Variants in RC3H2 observed in about 807,000 individuals in gnomAD.
RC3H2 encodes the protein ring finger and CCCH-type domains 2, also known as roquin-2.
In RC3H2, 31 loss-of-function variants were observed where a neutral mutation model predicts 133.3. The observed-to-expected ratio is 0.23, with a 90% CI of 0.17 to 0.31. The LOEUF (loss-of-function observed/expected upper bound fraction) is 0.31, where lower values mean the gene tolerates loss of function less well. Among genes scored for constraint, RC3H2 ranks in the 10% least tolerant of loss-of-function variants. RC3H2 has a pLI of 1.00. For synonymous variants in RC3H2, 517 were observed against 502.2 expected (o/e 1.03, Z -0.40); for missense variants, 1,175 against 1,437.2 (o/e 0.82, Z 2.95).
chr9:122,859,885 T>C (rs552686591), intron 11 of RC3H2, 32 bp downstream of exon 11: 1 of 1,502,660 alleles, frequency 6.7e-7, no homozygotes, highest in African/African-American at 1.4e-5. Flanking sequence ...ACAATGTTTC[T>C]TTTTTTCTTA....
chr9:122,869,503 C>G lies in RC3H2; in HGVS notation c.1326-3846G>C, dbSNP rs115080158. Among the ~76,000 whole-genome samples, 1,228 of 151,040 alleles carry G rather than the reference C, an allele frequency of 8.1e-3. 19 individuals are homozygous for G. The highest frequency in any genetic ancestry group is 0.029 in the African/African-American group (1,175 of 41,090). ...AAAAGACAAGTGCTCCTAGATTAGA[C>G]TGGCTAAAAGTGAAGTAACAGAATA... On this transcript the variant is annotated intron_variant, in intron 9 of 20. Transcript: ENST00000357244.
chr9:122,854,136 A>T, intron 17 of RC3H2, 49 bp downstream of exon 17: 1 of 1,612,002 alleles, frequency 6.2e-7, no homozygotes, highest in Non-Finnish European at 8.5e-7. Context: ...TATAGCTTTC[A>T]ACTGTCATTC....
In RC3H2 at chr9:122,851,365, T is replaced by C. The variant is rs536840686; in HGVS notation, c.3189A>G (p.Ala1063=). The stretch of plus-strand genomic sequence containing the variant: ...GTCCATCAGGTTCATCAGTATCAAG[T>C]GCTGAAAGCTCTAACTCGATATCCC... ...PDRDIELELS[A]LDTDEPDGQS... is the part of the protein sequence containing the mutation. Residue 1063 remains alanine (A), a synonymous_variant, in exon 19 of 21, where the codon GCA becomes GCG. Coordinates refer to ENST00000357244, the MANE Select transcript of RC3H2 (RefSeq NM_001100588.3). 2 of 1,614,238 alleles carry C rather than the reference T, an allele frequency of 1.2e-6. No individual in the cohort carries two copies. The highest frequency in any genetic ancestry group is 1.3e-5 in the African/African-American group (1 of 75,062).
At chr9:122,864,021 G>A (rs1002542505) in intron 10 of RC3H2, among the ~76,000 whole-genome samples, 1 of 152,162 alleles carries the variant, frequency 6.6e-6, no homozygotes, top group Non-Finnish European at 1.5e-5. Flanking sequence ...ACAGGCCTGA[G>A]CCACCGTGCC....
At chr9:122,867,907 C>T (rs1190563442) in intron 9 of RC3H2, among the ~76,000 whole-genome samples, 8 of 35,460 alleles carry the variant, frequency 2.3e-4, no homozygotes, top group Non-Finnish European at 4.2e-4. Flanking sequence ...GGGTCAGCCC[C>T]CCGCCCAGCC....
chr9:122,883,983 A>C (rs1408772790), intron 4 of RC3H2, among the ~76,000 whole-genome samples: 3 of 151,746 alleles, frequency 2.0e-5, no homozygotes, highest in East Asian at 3.9e-4. Context: ...ACAGAGACCA[A>C]CTCCATCTCA....
intron 6 of RC3H2, 65 bp downstream of exon 6, chr9:122,880,529 G>T: frequency 7.9e-7 from 1 of 1,270,392 alleles, no homozygotes; most frequent in South Asian, 1.2e-5. Context: ...AGACTCTTTA[G>T]AATATTCTAA....
intron 6 of RC3H2, 148 bp from the exon 7 acceptor site, chr9:122,880,273 C>A: frequency 1.0e-6 from 1 of 953,870 alleles, no homozygotes; most frequent in Non-Finnish European, 1.7e-6. Context: ...AAATTTTCAC[C>A]TCAGAATCTG....
chr9:122,892,831 G>T, intron 3 of RC3H2, 78 bp downstream of exon 3: 2 of 1,070,904 alleles, frequency 1.9e-6, no homozygotes. Context: ...AACTTAATAG[G>T]GTATCCACAT....
In RC3H2 at chr9:122,859,955, G is replaced by C. The variant is rs753546317; in HGVS notation, c.1811C>G (p.Thr604Ser). 5 of 1,614,068 alleles carry C rather than the reference G, an allele frequency of 3.1e-6. No homozygotes were observed. Among genetic ancestry groups the C allele is most frequent in the Non-Finnish European group, 4.2e-6 (5 of 1,179,954 alleles). ...CTGTGGGACTTCAAAGGGTATCTGAGTCCTTGGATCTTGAAAATACTGAAT... is the reference window on the plus strand; with the variant it reads ...CTGTGGGACTTCAAAGGGTATCTGACTCCTTGGATCTTGAAAATACTGAAT... ...ENIQYFQDPRTQIPFEVPQYP... is the reference protein window; with the variant it reads ...ENIQYFQDPRSQIPFEVPQYP... Residue 604 changes from threonine to serine, a missense_variant, in exon 11 of 21, where the codon ACT becomes AGT. Physicochemically the swap from Thr to Ser is moderately conservative, Grantham distance 58. Coordinates refer to ENST00000357244, the MANE Select transcript of RC3H2 (RefSeq NM_001100588.3).
intron 9 of RC3H2, chr9:122,874,154 AAT>A (rs1490362507): frequency 1.3e-5 from 2 of 152,230 alleles, no homozygotes; most frequent in African/African-American, 4.8e-5. Context: ...TGGAATAAAC[AAT>A]ATAGACAAGT....
intron 9 of RC3H2, chr9:122,875,339 C>A (rs2131444711): frequency 6.4e-7 from 1 of 1,550,486 alleles, no homozygotes; most frequent in Non-Finnish European, 8.7e-7. Flanking sequence ...AAGGAGACAA[C>A]AATGAAGATA....
chr9:122,893,517 A>G (rs1832283694), intron 2 of RC3H2, among the ~76,000 whole-genome samples: 1 of 152,170 alleles, frequency 6.6e-6, no homozygotes, highest in Non-Finnish European at 1.5e-5. Context: ...TAACAGCAAC[A>G]GCAAAAAATA....
intron 10 of RC3H2, among the ~76,000 whole-genome samples, chr9:122,863,279 T>C (rs1830525184): frequency 6.6e-6 from 1 of 152,246 alleles, no homozygotes; most frequent in Non-Finnish European, 1.5e-5. Context: ...TTTTCCATTG[T>C]ATGGATATAA....
intron 1 of RC3H2, among the ~76,000 whole-genome samples, chr9:122,900,542 C>T (rs1179188828): frequency 1.3e-5 from 2 of 152,024 alleles, no homozygotes; most frequent in Non-Finnish European, 2.9e-5. Flanking sequence ...TGGTAAATAT[C>T]CTATAGTTTT....
At chr9:122,879,688 G>C in intron 8 of RC3H2, 67 bp downstream of exon 8, 3 of 1,057,566 alleles carry the variant, frequency 2.8e-6, no homozygotes, top group South Asian at 3.0e-5. Flanking sequence ...AAAACAGCTG[G>C]TTAAGATGTT....
chr9:122,877,165 G>A (rs1831377775), intron 9 of RC3H2, among the ~76,000 whole-genome samples: 1 of 152,162 alleles, frequency 6.6e-6, no homozygotes, highest in Admixed American at 6.5e-5. Context: ...GACCTATGGG[G>A]TTCAAGCAAT....
chr9:122,890,796 T>C lies in RC3H2; in HGVS notation c.350-251A>G, dbSNP rs114677534. On this transcript the variant is annotated intron_variant, in intron 3 of 20. Transcript: ENST00000357244. ...TATTTTTTAATTGTATATAAGACAT[T>C]TAGAATACTGCTTAATGGTAAGCTC... Among the ~76,000 whole-genome samples, 625 of 152,206 alleles carry C rather than the reference T, an allele frequency of 4.1e-3. 3 individuals are homozygous for C. Among genetic ancestry groups the C allele is most frequent in the Middle Eastern group, 0.014 (4 of 294 alleles).
chr9:122,905,068 C>T (rs989361300), intron 1 of RC3H2, 42 bp downstream of exon 1: 2 of 984,448 alleles, frequency 2.0e-6, no homozygotes, highest in South Asian at 9.4e-5. Context: ...ACCAGGCACC[C>T]GGGCTGGGGC....
Sources: allele counts gnomAD v4.1 joint callset (sites outside exome capture counted in the v4.1 genomes callset), GRCh38; gene constraint gnomAD v4.1.1; transcripts MANE v1.5; gene names NCBI Gene and HGNC (gene_info 2026-07-23, HGNC 2026-07-21).